The following HAPSTR1 variants were observed in gnomAD, a reference collection of about 807,000 sequenced individuals.
The protein encoded by HAPSTR1 is HUWE1-associated protein modifying stress responses 1.
the HAPSTR1 span, among the ~76,000 whole-genome samples, chr16:9,097,602 C>G: frequency 6.6e-6 from 1 of 152,190 alleles, no homozygotes; most frequent in East Asian, 1.9e-4. Context: ...GTTGGGCTGG[C>G]TTTAGCTGTA....
chr16:9,093,092 C>T, the HAPSTR1 span: 1 of 1,256,410 alleles, frequency 8.0e-7, no homozygotes, highest in Non-Finnish European at 1.1e-6. Flanking sequence ...TTCTGCTCCC[C>T]AGCCCAGCTG....
At chr16:9,094,411 A>G in the HAPSTR1 span, among the ~76,000 whole-genome samples, 3 of 152,208 alleles carry the variant, frequency 2.0e-5, no homozygotes, top group Non-Finnish European at 4.4e-5. Flanking sequence ...TTTTGAAATA[A>G]TACTTAATTA....
At chr16:9,103,185 G>T in the HAPSTR1 span, 8 of 1,613,954 alleles carry the variant, frequency 5.0e-6, no homozygotes, top group South Asian at 7.7e-5. Flanking sequence ...TCCCCTAACC[G>T]AGCTACTTCA....
At chr16:9,108,768 C>T in the HAPSTR1 span, 2 of 152,140 alleles carry the variant, frequency 1.3e-5, no homozygotes, top group African/African-American at 4.8e-5. Flanking sequence ...GGCTATTTTC[C>T]TCGGTAACCT....
the HAPSTR1 span, chr16:9,108,305 T>A: frequency 6.6e-6 from 1 of 151,744 alleles, no homozygotes; most frequent in African/African-American, 2.4e-5. Flanking sequence ...AAAATGCAAA[T>A]TTTTTTTTAA....
chr16:9,095,925 T>C, the HAPSTR1 span, among the ~76,000 whole-genome samples: 1 of 152,168 alleles, frequency 6.6e-6, no homozygotes, highest in Non-Finnish European at 1.5e-5. Flanking sequence ...GGATGGTGTT[T>C]CTTCAATATT....
chr16:9,091,975 G>C, the HAPSTR1 span: 7 of 1,279,484 alleles, frequency 5.5e-6, no homozygotes, highest in Non-Finnish European at 7.1e-6. Context: ...TGACGACGAC[G>C]CTCCCGCGGG....
At chr16:9,116,529 C>G in the HAPSTR1 span, 1 of 1,120,144 alleles carries the variant, frequency 8.9e-7, no homozygotes, top group Non-Finnish European at 1.3e-6. Flanking sequence ...CAGAATAAAA[C>G]TTAATTGCTT....
the HAPSTR1 span, chr16:9,118,185 G>T: frequency 6.6e-6 from 1 of 152,566 alleles, no homozygotes; most frequent in Non-Finnish European, 1.5e-5. Context: ...ACTGATGTCA[G>T]CCTGCCAGGT....
chr16:9,100,892 A>T, the HAPSTR1 span, among the ~76,000 whole-genome samples: 2 of 152,120 alleles, frequency 1.3e-5, no homozygotes, highest in Non-Finnish European at 2.9e-5. Context: ...CCCTTTTACT[A>T]TGCTTTAGAC....
chr16:9,098,352 AT>A, the HAPSTR1 span, among the ~76,000 whole-genome samples: 1 of 152,140 alleles, frequency 6.6e-6, no homozygotes. Flanking sequence ...ACAAAATATT[AT>A]CCCCCTGGTT....
the HAPSTR1 span, chr16:9,116,940 C>T: frequency 1.2e-6 from 2 of 1,610,320 alleles, no homozygotes; most frequent in South Asian, 1.1e-5. Flanking sequence ...ACCCACCATG[C>T]TGCTTGAAAG....
At chr16:9,091,943 C>T in the HAPSTR1 span, 1 of 1,040,978 alleles carries the variant, frequency 9.6e-7, no homozygotes, top group Non-Finnish European at 1.3e-6. Flanking sequence ...CGTCGGTCGC[C>T]AGGCCCTGCC....
the HAPSTR1 span, chr16:9,111,161 TC>T: frequency 6.6e-6 from 1 of 152,252 alleles, no homozygotes; most frequent in Non-Finnish European, 1.5e-5. Flanking sequence ...AATCCTTTCT[TC>T]TCTGTGGAAA....
chr16:9,092,377 C>T, the HAPSTR1 span: 3 of 1,041,680 alleles, frequency 2.9e-6, no homozygotes, highest in African/African-American at 3.4e-5. Flanking sequence ...CGGCGGCGGC[C>T]TCGGGGATCC....
the HAPSTR1 span, among the ~76,000 whole-genome samples, chr16:9,098,262 G>A: frequency 6.6e-6 from 1 of 152,210 alleles, no homozygotes; most frequent in Non-Finnish European, 1.5e-5. Context: ...GAACCTGGGA[G>A]GCGGAGGTTG....
At chr16:9,103,355 T>C in the HAPSTR1 span, 1 of 1,326,694 alleles carries the variant, frequency 7.5e-7, no homozygotes, top group Middle Eastern at 2.1e-4. Context: ...ATATACTGTT[T>C]TTTGTCTTAC....
the HAPSTR1 span, among the ~76,000 whole-genome samples, chr16:9,100,541 CT>C: frequency 1.0e-4 from 15 of 148,152 alleles, no homozygotes; most frequent in African/African-American, 9.9e-5. Context: ...CTTACTTCAT[CT>C]TTTTTTTTTG....
the HAPSTR1 span, among the ~76,000 whole-genome samples, chr16:9,100,309 G>T: frequency 6.6e-5 from 10 of 152,130 alleles, no homozygotes; most frequent in Non-Finnish European, 1.2e-4. Flanking sequence ...GAGTTTTCCC[G>T]ATGTTCAAAT....
Sources: gnomAD v4.1 joint callset for allele counts (sites outside exome capture counted in the v4.1 genomes callset) on GRCh38, gnomAD v4.1.1 for gene constraint, MANE v1.5 for transcripts, NCBI Gene and HGNC (gene_info 2026-07-23, HGNC 2026-07-21) for gene names.